PARD3: variants seen among roughly 807,000 people sequenced by gnomAD.
The protein encoded by PARD3 is par-3 family cell polarity regulator.
Under a neutral mutation model 155.4 loss-of-function variants are expected in PARD3, and 75 were observed. The ratio of observed to expected loss-of-function variants is 0.48; its 90% CI spans 0.40 to 0.58. The LOEUF (loss-of-function observed/expected upper bound fraction) is 0.58, where lower values mean the gene tolerates loss of function less well. PARD3 is among the 20% of genes least tolerant of loss of function. PARD3 has a pLI of 0.00. For missense variants in PARD3, 1,642 were observed against 1,721.7 expected, an observed-to-expected ratio of 0.95 and a Z score of 0.82; for synonymous variants, 576 against 610.5, an observed-to-expected ratio of 0.94 and a Z score of 0.83.
chr10:34,447,624 A>G (rs2076817766), intron 5 of PARD3, among the ~76,000 whole-genome samples: 2 of 151,364 alleles, frequency 1.3e-5, no homozygotes, highest in Non-Finnish European at 2.9e-5. Context: ...AACATGATGA[A>G]ACCCCGTCTC....
chr10:34,232,361 C>T (rs537359984), intron 22 of PARD3, among the ~76,000 whole-genome samples: 1 of 152,232 alleles, frequency 6.6e-6, no homozygotes, highest in South Asian at 2.1e-4. Flanking sequence ...AGTAACATCT[C>T]TGCTCTGCAG....
intron 22 of PARD3, among the ~76,000 whole-genome samples, chr10:34,154,387 A>G (rs1948904027): frequency 6.6e-6 from 1 of 152,192 alleles, no homozygotes; most frequent in African/African-American, 2.4e-5. Context: ...CTGCAAATTT[A>G]GCAGTCATGG....
At chr10:34,724,599 G>A (rs1040194133) in intron 1 of PARD3, among the ~76,000 whole-genome samples, 1 of 152,168 alleles carries the variant, frequency 6.6e-6, no homozygotes, top group Admixed American at 6.5e-5. Context: ...AAATACTATA[G>A]TGAATATATA....
chr10:34,458,970 GAATA>G (rs1331802160), intron 4 of PARD3, among the ~76,000 whole-genome samples: 1 of 152,060 alleles, frequency 6.6e-6, no homozygotes, highest in Non-Finnish European at 1.5e-5. Context: ...GTGTGTGAAA[GAATA>G]AATAAATAAA....
intron 15 of PARD3, chr10:34,345,627 A>C (rs1329417090): frequency 6.1e-6 from 6 of 985,322 alleles, no homozygotes; most frequent in Non-Finnish European, 7.2e-6. Flanking sequence ...ATGGAAATCC[A>C]AAGTCCTAAT....
chr10:34,632,527 A>G (rs1590321192), intron 2 of PARD3, among the ~76,000 whole-genome samples: 1 of 152,258 alleles, frequency 6.6e-6, no homozygotes, highest in Non-Finnish European at 1.5e-5. Flanking sequence ...GTATCTCAGA[A>G]GAAGGTATGA....
chr10:34,454,056 A>G (rs888012659), intron 4 of PARD3, among the ~76,000 whole-genome samples: 1 of 152,248 alleles, frequency 6.6e-6, no homozygotes, highest in Non-Finnish European at 1.5e-5. Flanking sequence ...GCAGTTATTT[A>G]CAGCAATCTT....
intron 15 of PARD3, chr10:34,346,495 T>G (rs759087013): frequency 1.5e-6 from 2 of 1,339,470 alleles, no homozygotes; most frequent in East Asian, 9.4e-5. Flanking sequence ...TGTGCACAAA[T>G]ATCTAGGGAC....
intron 2 of PARD3, among the ~76,000 whole-genome samples, chr10:34,548,572 T>A (rs2084293227): frequency 6.7e-6 from 1 of 149,300 alleles, no homozygotes; most frequent in East Asian, 2.0e-4. Context: ...GAAAAAAAAA[T>A]AAAATAGCAT....
At chr10:34,169,939 G>T in intron 22 of PARD3, among the ~76,000 whole-genome samples, 1 of 152,182 alleles carries the variant, frequency 6.6e-6, no homozygotes, top group East Asian at 1.9e-4. Flanking sequence ...AGCCCAGATT[G>T]TAACCAGAGA....
chr10:34,722,750 C>T (rs2094628774), intron 1 of PARD3, among the ~76,000 whole-genome samples: 2 of 152,296 alleles, frequency 1.3e-5, no homozygotes, highest in Non-Finnish European at 2.9e-5. Context: ...TTTTGTAAGC[C>T]ACCTTTCAAA....
chr10:34,117,889 C>A (rs1389911191), intron 24 of PARD3, among the ~76,000 whole-genome samples: 1 of 152,090 alleles, frequency 6.6e-6, no homozygotes, highest in East Asian at 1.9e-4. Context: ...CCAGCCGGGG[C>A]AACAGAACAA....
intron 3 of PARD3, chr10:34,488,870 G>C (rs533882454): frequency 6.5e-6 from 1 of 153,572 alleles, no homozygotes; most frequent in South Asian, 2.1e-4. Flanking sequence ...ACTTGATCAT[G>C]AGGAACACGC....
chr10:34,526,573 TTTAG>T (rs1743186268), intron 2 of PARD3, among the ~76,000 whole-genome samples: 1 of 152,168 alleles, frequency 6.6e-6, no homozygotes, highest in Non-Finnish European at 1.5e-5. Flanking sequence ...AGCTGAGATC[TTTAG>T]TTAGGAAGGC....
At chr10:34,402,928 A>G (rs979089173) in intron 5 of PARD3, among the ~76,000 whole-genome samples, 3 of 152,322 alleles carry the variant, frequency 2.0e-5, no homozygotes, top group African/African-American at 4.8e-5. Context: ...ACTATTATTA[A>G]TAGTTAAAAG....
rs398013195 is a variant in PARD3 at position 34,606,638 on chromosome 10, C to CAAAAA, written c.223-89484_223-89480dup. On this transcript the variant is annotated intron_variant, in intron 2 of 24. Transcript: ENST00000374788. ...CAACATAGTGAGACCCCCGTGTCTT[C>CAAAAA]AAAAAAAAAAAAAAAAAAAAAAAAG... Among the ~76,000 whole-genome samples, 141 of 79,624 alleles carry CAAAAA rather than the reference C, an allele frequency of 1.8e-3. 1 individual carries two copies. The highest frequency in any genetic ancestry group is 6.0e-3 in the African/African-American group (126 of 20,832). The allele number at this position is 79,624 out of a possible 152,430, so 52.2% of individuals were successfully genotyped here.
At chr10:34,482,111 T>G (rs1480200437) in intron 3 of PARD3, among the ~76,000 whole-genome samples, 1 of 141,882 alleles carries the variant, frequency 7.0e-6, no homozygotes, top group Non-Finnish European at 1.5e-5. Context: ...CATTGCTCAC[T>G]GCATCCTTGA....
chr10:34,384,363 G>T, intron 7 of PARD3, 109 bp from the exon 8 acceptor site: 2 of 1,064,936 alleles, frequency 1.9e-6, no homozygotes, highest in Non-Finnish European at 2.7e-6. Flanking sequence ...TTACAAAGGA[G>T]CATGTTAAAA....
At chr10:34,316,932 G>C in intron 20 of PARD3, among the ~76,000 whole-genome samples, 175 bp downstream of exon 20, 1 of 152,104 alleles carries the variant, frequency 6.6e-6, no homozygotes, top group Non-Finnish European at 1.5e-5. Context: ...AGAATGGAAT[G>C]ATCTGTTGCC....
Sources: allele counts gnomAD v4.1 joint callset (sites outside exome capture counted in the v4.1 genomes callset), GRCh38; gene constraint gnomAD v4.1.1; transcripts MANE v1.5; gene names NCBI Gene and HGNC (gene_info 2026-07-23, HGNC 2026-07-21).